HNF4G: variants seen among roughly 807,000 people sequenced by gnomAD.
HNF4G encodes hepatocyte nuclear factor 4 gamma.
Under a neutral mutation model 50.9 loss-of-function variants are expected in HNF4G, and 21 were observed. The observed-to-expected ratio is 0.41, with a 90% CI of 0.29 to 0.59. The LOEUF (loss-of-function observed/expected upper bound fraction) is 0.59, where lower values mean the gene tolerates loss of function less well. Among genes scored for constraint, HNF4G ranks in the 20% least tolerant of loss-of-function variants. The pLI is 0.26. For synonymous variants in HNF4G, 198 were observed against 185.6 expected, an observed-to-expected ratio of 1.07 and a Z score of -0.54; for missense variants, 527 against 559.4, an observed-to-expected ratio of 0.94 and a Z score of 0.58.
At chr8:75,560,828 C>G (rs1807291051) in intron 9 of HNF4G, among the ~76,000 whole-genome samples, 2 of 152,058 alleles carry the variant, frequency 1.3e-5, no homozygotes, top group Non-Finnish European at 2.9e-5. Flanking sequence ...TGCTTGGCAC[C>G]TTCAAAAACG....
intron 2 of HNF4G, among the ~76,000 whole-genome samples, chr8:75,514,217 T>G (rs1805831049): frequency 6.6e-6 from 1 of 151,678 alleles, no homozygotes; most frequent in Admixed American, 6.6e-5. Context: ...TGTATAATGA[T>G]TTTTTTTGGT....
At chr8:75,542,199 G>C (rs1463821378) in intron 1 of HNF4G, among the ~76,000 whole-genome samples, 2 of 152,006 alleles carry the variant, frequency 1.3e-5, no homozygotes, top group Non-Finnish European at 2.9e-5. Flanking sequence ...CAACTACTCG[G>C]GAGGCTGAGG....
At chr8:75,549,485 C>T in intron 3 of HNF4G, among the ~76,000 whole-genome samples, 1 of 149,560 alleles carries the variant, frequency 6.7e-6, no homozygotes. Flanking sequence ...AGCAAGCTAC[C>T]AGTAAGTATG....
At chr8:75,428,682 G>C (rs555327713) in intron 1 of HNF4G, among the ~76,000 whole-genome samples, 1 of 152,304 alleles carries the variant, frequency 6.6e-6, no homozygotes, top group South Asian at 2.1e-4. Flanking sequence ...AGAGAGCACT[G>C]TTGAACATGA....
intron 6 of HNF4G, among the ~76,000 whole-genome samples, chr8:75,557,787 CT>C (rs1435269696): frequency 1.3e-5 from 2 of 152,078 alleles, no homozygotes; most frequent in Admixed American, 1.3e-4. Context: ...GAATATTTGT[CT>C]TTTTATAAAA....
intron 2 of HNF4G, among the ~76,000 whole-genome samples, chr8:75,491,538 G>A (rs966052823): frequency 2.0e-5 from 3 of 151,294 alleles, no homozygotes; most frequent in East Asian, 3.9e-4. Context: ...GTAGTGGTGC[G>A]ATCTCCGCTC....
chr8:75,491,622 C>T (rs1248169519), intron 2 of HNF4G, among the ~76,000 whole-genome samples: 2 of 152,016 alleles, frequency 1.3e-5, no homozygotes, highest in East Asian at 1.9e-4. Flanking sequence ...ATTACAGGCA[C>T]ATGCCACCAC....
intron 2 of HNF4G, among the ~76,000 whole-genome samples, chr8:75,500,380 G>A (rs1022658684): frequency 6.6e-6 from 1 of 152,152 alleles, no homozygotes; most frequent in Non-Finnish European, 1.5e-5. Context: ...GAGTGTTGGT[G>A]AAGATGTGGA....
At chr8:75,473,249 A>C (rs1812161216) in intron 1 of HNF4G, among the ~76,000 whole-genome samples, 1 of 151,812 alleles carries the variant, frequency 6.6e-6, no homozygotes, top group Non-Finnish European at 1.5e-5. Flanking sequence ...GTGAGCCGAG[A>C]TCGCCCCACT....
At chr8:75,505,573 A>G (rs1267566364) in intron 2 of HNF4G, among the ~76,000 whole-genome samples, 3 of 152,162 alleles carry the variant, frequency 2.0e-5, no homozygotes, top group Non-Finnish European at 4.4e-5. Flanking sequence ...AAAATATTTA[A>G]CAACATTGTT....
intron 2 of HNF4G, among the ~76,000 whole-genome samples, chr8:75,509,719 TC>T (rs895026178): frequency 4.6e-5 from 7 of 152,140 alleles, no homozygotes; most frequent in African/African-American, 1.7e-4. Context: ...GCCAAAAAGT[TC>T]CTATGGTTAA....
At position 75,479,993 on chromosome 8, in the gene HNF4G, T is replaced by C. The variant is rs1184132387; in HGVS notation, c.-143-10096T>C. Among the ~76,000 whole-genome samples, 3 of 152,210 alleles carry C rather than the reference T, an allele frequency of 2.0e-5. No individual in the cohort carries two copies. The East Asian group carries it at 5.8e-4, about 29-fold the overall frequency. On this transcript the variant is annotated intron_variant, in intron 1 of 10. Coordinates refer to the HNF4G transcript ENST00000354370. ...GAAAAACAACCTTAACTTTTTTTTTTTGATGTTATAGAAAAAAGTGTTATT... is the reference window on the plus strand; with the variant it reads ...GAAAAACAACCTTAACTTTTTTTTTCTGATGTTATAGAAAAAAGTGTTATT...
intron 2 of HNF4G, among the ~76,000 whole-genome samples, chr8:75,493,034 T>TAC (rs981334819): frequency 4.6e-5 from 7 of 151,804 alleles, no homozygotes; most frequent in African/African-American, 1.7e-4. Flanking sequence ...TATATATATA[T>TAC]ACACTCACAC....
At chr8:75,481,130 T>G (rs1206530235) in intron 1 of HNF4G, among the ~76,000 whole-genome samples, 2 of 152,236 alleles carry the variant, frequency 1.3e-5, no homozygotes, top group Non-Finnish European at 2.9e-5. Context: ...TCTGACTTTG[T>G]ATTTTATCCA....
intron 9 of HNF4G, among the ~76,000 whole-genome samples, chr8:75,562,283 G>T (rs1309771255): frequency 6.6e-6 from 1 of 152,162 alleles, no homozygotes; most frequent in Middle Eastern, 3.4e-3. Flanking sequence ...AGATCTTTGT[G>T]TAAATAGTAT....
At chr8:75,427,489 A>T (rs981900517) in intron 1 of HNF4G, among the ~76,000 whole-genome samples, 2 of 151,980 alleles carry the variant, frequency 1.3e-5, no homozygotes, top group African/African-American at 4.8e-5. Flanking sequence ...AGGCAGGAGA[A>T]TTGCTTGAAC....
intron 1 of HNF4G, among the ~76,000 whole-genome samples, chr8:75,426,679 T>A (rs1015096705): frequency 2.0e-5 from 3 of 151,062 alleles, no homozygotes; most frequent in Non-Finnish European, 4.5e-5. Context: ...GGATAAAAGG[T>A]TGTTTAGTGA....
intron 2 of HNF4G, among the ~76,000 whole-genome samples, chr8:75,501,933 A>G (rs930574721): frequency 6.6e-6 from 1 of 151,264 alleles, no homozygotes; most frequent in Non-Finnish European, 1.5e-5. Context: ...GCTCACTGCA[A>G]CCTCCGCCTC....
chr8:75,501,843 G>C (rs1483785783), intron 2 of HNF4G, among the ~76,000 whole-genome samples: 1 of 117,892 alleles, frequency 8.5e-6, no homozygotes, highest in Non-Finnish European at 1.7e-5. Flanking sequence ...TTCATGATGA[G>C]AATACCTAAA....
Sources: allele counts gnomAD v4.1 joint callset (sites outside exome capture counted in the v4.1 genomes callset), GRCh38; gene constraint gnomAD v4.1.1; transcripts MANE v1.5; gene names NCBI Gene and HGNC (gene_info 2026-07-23, HGNC 2026-07-21).